KIF16B: variants seen among roughly 807,000 people sequenced by gnomAD.
KIF16B encodes the protein kinesin-like protein KIF16B.
A neutral mutation model predicts 156.3 loss-of-function variants in KIF16B; 98 were observed. That is an observed-to-expected ratio of 0.63 (90% CI 0.53 to 0.74). KIF16B has a LOEUF of 0.74. Among genes scored for constraint, KIF16B ranks in the 30% least tolerant of loss-of-function variants. The pLI is 0.00. For missense variants in KIF16B, 1,421 were observed against 1,606.5 expected, an observed-to-expected ratio of 0.88 and a Z score of 1.97; for synonymous variants, 564 against 583.7, an observed-to-expected ratio of 0.97 and a Z score of 0.49.
At chr20:16,320,265 C>T (rs1343629142) in intron 24 of KIF16B, among the ~76,000 whole-genome samples, 3 of 152,146 alleles carry the variant, frequency 2.0e-5, no homozygotes, top group African/African-American at 7.2e-5. Context: ...AAAAATCAAT[C>T]TACCTCAATT....
chr20:16,351,775 A>T (rs1196240720), intron 23 of KIF16B, among the ~76,000 whole-genome samples: 1 of 152,178 alleles, frequency 6.6e-6, no homozygotes, highest in African/African-American at 2.4e-5. Flanking sequence ...TGATACTCTG[A>T]CCCAGGGTCT....
At chr20:16,439,874 G>A (rs566647226) in intron 12 of KIF16B, among the ~76,000 whole-genome samples, 10 of 152,090 alleles carry the variant, frequency 6.6e-5, no homozygotes, top group East Asian at 3.9e-4. Context: ...ACCTGCCCCC[G>A]TGATTCAATT....
At chr20:16,535,807 C>T (rs879784058) in intron 1 of KIF16B, among the ~76,000 whole-genome samples, 3 of 152,130 alleles carry the variant, frequency 2.0e-5, no homozygotes, top group Non-Finnish European at 4.4e-5. Context: ...CATTTTACCC[C>T]AGTTAGAATG....
At chr20:16,286,851 T>G (rs1243894238) in intron 25 of KIF16B, among the ~76,000 whole-genome samples, 1 of 152,240 alleles carries the variant, frequency 6.6e-6, no homozygotes, top group Non-Finnish European at 1.5e-5. Flanking sequence ...CTCTCTTCGT[T>G]AAACCTAGGT....
chr20:16,496,934 A>G (rs955978628), intron 11 of KIF16B, among the ~76,000 whole-genome samples: 8 of 152,104 alleles, frequency 5.3e-5, no homozygotes, highest in Non-Finnish European at 8.8e-5. Context: ...TTCTTTTTCA[A>G]TCTGTCTTAG....
chr20:16,421,575 T>C (rs2066227292), intron 15 of KIF16B, among the ~76,000 whole-genome samples: 1 of 152,152 alleles, frequency 6.6e-6, no homozygotes, highest in Admixed American at 6.5e-5. Flanking sequence ...AGTAAAGAAT[T>C]CTAATCCTTA....
At chr20:16,520,899 G>A (rs917500546) in intron 3 of KIF16B, among the ~76,000 whole-genome samples, 2 of 152,126 alleles carry the variant, frequency 1.3e-5, no homozygotes, top group African/African-American at 4.8e-5. Flanking sequence ...GGTCTGGAGT[G>A]GGCCTCCAGC....
chr20:16,382,177 A>T (rs1181843900), intron 17 of KIF16B: 1 of 1,211,270 alleles, frequency 8.3e-7, no homozygotes, highest in East Asian at 5.0e-5. Flanking sequence ...GAGAGCACAG[A>T]CATCAATTAA....
chr20:16,497,524 G>C (rs1407543583), intron 11 of KIF16B, 89 bp downstream of exon 11: 1 of 971,358 alleles, frequency 1.0e-6, no homozygotes, highest in Non-Finnish European at 1.6e-6. Flanking sequence ...GAAAAAGAAG[G>C]CATCTCAAAC....
At chr20:16,519,672 T>C (rs1166096388) in intron 3 of KIF16B, among the ~76,000 whole-genome samples, 1 of 152,266 alleles carries the variant, frequency 6.6e-6, no homozygotes, top group Non-Finnish European at 1.5e-5. Flanking sequence ...CTGATGATTC[T>C]GGTGCATGGA....
At chr20:16,459,390 C>T (rs1440038886) in intron 12 of KIF16B, among the ~76,000 whole-genome samples, 1 of 152,200 alleles carries the variant, frequency 6.6e-6, no homozygotes, top group African/African-American at 2.4e-5. Flanking sequence ...CTAGGCCTTC[C>T]TTTACAGAGT....
intron 25 of KIF16B, among the ~76,000 whole-genome samples, chr20:16,298,822 A>C (rs750462018): frequency 1.1e-4 from 17 of 152,178 alleles, no homozygotes; most frequent in Non-Finnish European, 1.9e-4. Flanking sequence ...GAACAATGCC[A>C]CGGAGTTGCA....
At chr20:16,572,374 C>A (rs1346142510) in intron 1 of KIF16B, among the ~76,000 whole-genome samples, 3 of 152,232 alleles carry the variant, frequency 2.0e-5, no homozygotes, top group Admixed American at 1.3e-4. Flanking sequence ...CAAATATCCA[C>A]CAACTTGGTA....
At chr20:16,516,613 C>T (rs1286534017) in intron 3 of KIF16B, among the ~76,000 whole-genome samples, 2 of 152,306 alleles carry the variant, frequency 1.3e-5, no homozygotes, top group East Asian at 1.9e-4. Context: ...GTGTCACCAA[C>T]GTCCAAGGTG....
chr20:16,340,180 TC>T (rs1320832492), intron 23 of KIF16B, among the ~76,000 whole-genome samples: 1 of 152,152 alleles, frequency 6.6e-6, no homozygotes, highest in East Asian at 1.9e-4. Context: ...CATATGCTTT[TC>T]CTCTTTCTGG....
intron 18 of KIF16B, 64 bp downstream of exon 18, chr20:16,381,630 C>T: frequency 3.1e-6 from 4 of 1,272,210 alleles, no homozygotes; most frequent in Admixed American, 1.8e-5. Flanking sequence ...TGGAATCAGT[C>T]CAGGATATTA....
At chr20:16,320,720 A>C (rs2063761154) in intron 24 of KIF16B, among the ~76,000 whole-genome samples, 1 of 152,238 alleles carries the variant, frequency 6.6e-6, no homozygotes, top group Non-Finnish European at 1.5e-5. Flanking sequence ...ATGACCAAAA[A>C]TATCCAACCA....
chr20:16,409,355 A>C (rs1247382615), intron 15 of KIF16B, among the ~76,000 whole-genome samples: 1 of 152,082 alleles, frequency 6.6e-6, no homozygotes, highest in East Asian at 1.9e-4. Flanking sequence ...TGAGCACTGC[A>C]CCAACATAAG....
intron 12 of KIF16B, among the ~76,000 whole-genome samples, chr20:16,433,437 C>G (rs958453195): frequency 6.6e-6 from 1 of 152,084 alleles, no homozygotes; most frequent in Non-Finnish European, 1.5e-5. Flanking sequence ...ATCCCAGTTT[C>G]GTTTACTATT....
Sources: allele counts gnomAD v4.1 joint callset (sites outside exome capture counted in the v4.1 genomes callset), GRCh38; gene constraint gnomAD v4.1.1; transcripts MANE v1.5; gene names NCBI Gene and HGNC (gene_info 2026-07-23, HGNC 2026-07-21).